The following GALNT18 variants were observed in gnomAD, a reference collection of about 807,000 sequenced individuals.
GALNT18 encodes GalNAc-transferase 18.
Under a neutral mutation model 69.5 loss-of-function variants are expected in GALNT18, and 44 were observed. That is an observed-to-expected ratio of 0.63 (90% CI 0.50 to 0.81). GALNT18 has a LOEUF of 0.81. GALNT18 is among the 40% of genes least tolerant of loss of function. The pLI is 0.00. For missense variants in GALNT18, 715 were observed against 810.0 expected, an observed-to-expected ratio of 0.88 and a Z score of 1.42; for synonymous variants, 364 against 318.2, an observed-to-expected ratio of 1.14 and a Z score of -1.53.
At chr11:11,473,524 T>G (rs1856319446) in intron 1 of GALNT18, among the ~76,000 whole-genome samples, 1 of 151,276 alleles carries the variant, frequency 6.6e-6, no homozygotes, top group Admixed American at 6.6e-5. Context: ...AGGCTCGTTT[T>G]GGGCCTAAAG....
chr11:11,282,730 C>G (rs1849108451), intron 10 of GALNT18, among the ~76,000 whole-genome samples: 1 of 152,144 alleles, frequency 6.6e-6, no homozygotes. Context: ...TCTGCAGAGA[C>G]ACTATTCATT....
chr11:11,331,902 C>T (rs911228450), intron 8 of GALNT18, among the ~76,000 whole-genome samples: 5 of 152,120 alleles, frequency 3.3e-5, no homozygotes, highest in Admixed American at 1.3e-4. Flanking sequence ...TTGACCTGTA[C>T]GGTCCAGGGA....
At chr11:11,419,612 A>AG in intron 3 of GALNT18, among the ~76,000 whole-genome samples, 1 of 150,450 alleles carries the variant, frequency 6.6e-6, no homozygotes, top group Admixed American at 6.6e-5. Flanking sequence ...AAAAAAAAAA[A>AG]AAAAAAAAAA....
chr11:11,424,990 T>C (rs958293193), intron 3 of GALNT18, among the ~76,000 whole-genome samples: 1 of 152,142 alleles, frequency 6.6e-6, no homozygotes, highest in Admixed American at 6.5e-5. Context: ...TGTGGTCTTC[T>C]GTGGGAGTCA....
At position 11,271,160 on chromosome 11, in the gene GALNT18, C is replaced by T. The variant is rs908590842; in HGVS notation, c.1808G>A (p.Arg603Lys). The change falls in exon 11 of 11, where the codon AGG (arginine) becomes AAG (lysine). Residue 603 changes from arginine (R) to lysine (K), a missense_variant. Transcript: ENST00000227756. ...GQHWSITNVL[R>K]SLAS ...CCCGGTGGGTCAGGACGCGAGGCTC[C>T]TCAGGACGTTGGTGATGCTCCAGTG... 3.1e-6 allele frequency: 5 copies of T among 1,613,204 alleles called. No individual in the cohort carries two copies. The South Asian group carries it at 4.4e-5, about 14-fold the overall frequency.
chr11:11,280,571 G>A (rs1270502468), intron 10 of GALNT18, among the ~76,000 whole-genome samples: 1 of 152,180 alleles, frequency 6.6e-6, no homozygotes, highest in Non-Finnish European at 1.5e-5. Context: ...CAGGAGAGGT[G>A]AGGCCTGCGT....
chr11:11,537,627 G>T (rs921841111), intron 1 of GALNT18, among the ~76,000 whole-genome samples: 3 of 152,158 alleles, frequency 2.0e-5, no homozygotes, highest in African/African-American at 7.2e-5. Flanking sequence ...TGGGTCTGGA[G>T]GAAGCAGGTT....
chr11:11,429,549 A>T (rs1327161717), intron 3 of GALNT18, among the ~76,000 whole-genome samples: 2 of 152,242 alleles, frequency 1.3e-5, no homozygotes, highest in African/African-American at 4.8e-5. Flanking sequence ...TAATAGTGAC[A>T]GGGATCAATT....
At position 11,583,941 on chromosome 11, in the gene GALNT18, A is replaced by G. The variant is rs964145798; in HGVS notation, c.235+37418T>C. ...GTCTTAGACAAGTCAACGGCTCCCC[A>G]CAAGATGAAAGCACAAGGTCACACT... On this transcript the variant is annotated intron_variant, in intron 1 of 10. Coordinates refer to ENST00000227756, the MANE Select transcript of GALNT18 (RefSeq NM_198516.3). The surrounding 1 kb of genome is among the most constrained non-coding windows in gnomAD (Gnocchi z 4.7). Among the ~76,000 whole-genome samples, 10 of 152,136 alleles carry G rather than the reference A, an allele frequency of 6.6e-5. No homozygotes were observed. The highest frequency in any genetic ancestry group is 2.4e-4 in the African/African-American group (10 of 41,420).
intron 1 of GALNT18, among the ~76,000 whole-genome samples, chr11:11,457,673 C>T (rs915231454): frequency 4.6e-5 from 7 of 152,218 alleles, no homozygotes; most frequent in Admixed American, 6.5e-5. Flanking sequence ...TCTCTGGGAG[C>T]GGCAGCTCTG....
chr11:11,448,699 C>T (rs950537773), intron 2 of GALNT18, 45 bp downstream of exon 2: 11 of 1,539,816 alleles, frequency 7.1e-6, no homozygotes, highest in African/African-American at 1.4e-5. Context: ...GACCCCATCT[C>T]CCCATAGGCA....
chr11:11,305,237 A>G (rs1263616151), intron 9 of GALNT18, among the ~76,000 whole-genome samples: 1 of 152,242 alleles, frequency 6.6e-6, no homozygotes, highest in African/African-American at 2.4e-5. Context: ...TTAGATGCAG[A>G]GTGTGCCTTT....
At chr11:11,333,720 G>T (rs977023525) in intron 7 of GALNT18, among the ~76,000 whole-genome samples, 2 of 152,094 alleles carry the variant, frequency 1.3e-5, no homozygotes, top group African/African-American at 2.4e-5. Flanking sequence ...CCACCACGGT[G>T]CAGCAGCCAG....
chr11:11,368,512 C>G (rs1850823296), intron 6 of GALNT18, among the ~76,000 whole-genome samples: 1 of 152,274 alleles, frequency 6.6e-6, no homozygotes, highest in South Asian at 2.1e-4. Context: ...TTCTACATGT[C>G]TTTCAACATT....
chr11:11,552,408 AC>A (rs1451461893), intron 1 of GALNT18, among the ~76,000 whole-genome samples: 4 of 152,250 alleles, frequency 2.6e-5, no homozygotes, highest in African/African-American at 9.6e-5. Context: ...TCTCAAAAAG[AC>A]CAAGAGCTTC....
rs1854555344 is a variant in GALNT18, at chr11:11,404,919, T to G, written c.596-25655A>C. On this transcript the variant is annotated intron_variant, in intron 3 of 10. Coordinates refer to ENST00000227756, the MANE Select transcript of GALNT18 (RefSeq NM_198516.3). This position sits in a 1 kb window ranked among gnomAD's most constrained non-coding sequence, Gnocchi z 4.5. ...CATGGCCACCCAGGCCAATCATGTT[T>G]CCTAGAGCAGAGCATGAAAGGGGTC... Among the ~76,000 whole-genome samples, 1 of 152,080 alleles carries G rather than the reference T, an allele frequency of 6.6e-6. No individual in the cohort carries two copies. The highest frequency in any genetic ancestry group is 1.5e-5 in the Non-Finnish European group (1 of 68,014).
At chr11:11,291,321 G>C (rs986061239) in intron 10 of GALNT18, among the ~76,000 whole-genome samples, 1 of 150,302 alleles carries the variant, frequency 6.7e-6, no homozygotes, top group Non-Finnish European at 1.5e-5. Context: ...AAGTAAGAGA[G>C]AATTTGAACT....
rs564894081 is a variant in GALNT18 at position 11,352,098 on chromosome 11, C to G, written c.1093-11094G>C. 5 of 1,613,500 alleles carry G rather than the reference C, an allele frequency of 3.1e-6. No homozygotes were observed. The East Asian group carries it at 1.1e-4, about 36-fold the overall frequency. On this transcript the variant is annotated intron_variant, in intron 6 of 10. Transcript: ENST00000227756. ...GGCGCTGCTGACGGGCGTACTGCCC[C>G]CTGGCATGCTAGATGAACCCATTCG...
At chr11:11,346,270 A>G (rs1369961463) in intron 6 of GALNT18, among the ~76,000 whole-genome samples, 1 of 152,230 alleles carries the variant, frequency 6.6e-6, no homozygotes, top group East Asian at 1.9e-4. Flanking sequence ...ACCACTGTAT[A>G]CATCAGCACC....
Sources: gnomAD v4.1 joint callset for allele counts (sites outside exome capture counted in the v4.1 genomes callset) on GRCh38, gnomAD v4.1.1 for gene constraint, Gnocchi (gnomAD v3.1) non-coding constraint, MANE v1.5 for transcripts, NCBI Gene and HGNC (gene_info 2026-07-23, HGNC 2026-07-21) for gene names.